NMNAT3: variants seen among roughly 807,000 people sequenced by gnomAD.
NMNAT3 encodes the protein nicotinamide/nicotinic acid mononucleotide adenylyltransferase 3.
NMNAT3 carries 21 observed loss-of-function variants against 24.8 expected under a neutral mutation model. The observed-to-expected ratio is 0.85, with a 90% CI of 0.60 to 1.22. The LOEUF (loss-of-function observed/expected upper bound fraction) is 1.22, where lower values mean the gene tolerates loss of function less well. NMNAT3 is among the 50% of genes most tolerant of loss of function. The probability of loss-of-function intolerance (pLI) is 0.00; values close to 1 mark genes in which losing one functional copy is unlikely to be tolerated. For synonymous variants in NMNAT3, 136 were observed against 155.2 expected (o/e 0.88, Z 0.92); for missense variants, 387 against 436.6 (o/e 0.89, Z 1.01).
chr3:139,649,606 C>CT (rs1367739405), intron 1 of NMNAT3, among the ~76,000 whole-genome samples: 1 of 152,120 alleles, frequency 6.6e-6, no homozygotes, highest in Non-Finnish European at 1.5e-5. Context: ...GGAAGGGCAG[C>CT]TTCTCCCCAG....
chr3:139,564,696 C>T (rs1442473623), intron 6 of NMNAT3, among the ~76,000 whole-genome samples: 2 of 152,220 alleles, frequency 1.3e-5, no homozygotes, highest in African/African-American at 4.8e-5. Flanking sequence ...CAGAGTATAA[C>T]AGCACACCAA....
intron 1 of NMNAT3, among the ~76,000 whole-genome samples, chr3:139,648,077 T>C (rs932451209): frequency 2.0e-5 from 3 of 152,206 alleles, no homozygotes; most frequent in African/African-American, 4.8e-5. Context: ...TTATCTTGAA[T>C]TGTAATCACC....
At chr3:139,595,518 AAAG>A (rs1559888879) in intron 3 of NMNAT3, among the ~76,000 whole-genome samples, 1 of 152,256 alleles carries the variant, frequency 6.6e-6, no homozygotes, top group Non-Finnish European at 1.5e-5. Flanking sequence ...TCCTAAGCCA[AAAG>A]AAGAAATCTG....
chr3:139,598,418 C>A (rs1317316909), intron 3 of NMNAT3, among the ~76,000 whole-genome samples: 1 of 152,126 alleles, frequency 6.6e-6, no homozygotes, highest in Admixed American at 6.5e-5. Context: ...GGTTTTAGAA[C>A]CCAGCTGCCA....
At chr3:139,598,960 A>G (rs2054594267) in intron 3 of NMNAT3, among the ~76,000 whole-genome samples, 1 of 152,090 alleles carries the variant, frequency 6.6e-6, no homozygotes, top group African/African-American at 2.4e-5. Context: ...ATCTATGTGT[A>G]GCCCCAAACC....
intron 3 of NMNAT3, among the ~76,000 whole-genome samples, chr3:139,586,767 T>G (rs2053957532): frequency 6.6e-6 from 1 of 151,936 alleles, no homozygotes; most frequent in Non-Finnish European, 1.5e-5. Context: ...GGAATCAGAG[T>G]GCACAGTTTC....
At chr3:139,594,381 G>T (rs536008926) in intron 3 of NMNAT3, among the ~76,000 whole-genome samples, 17 of 152,284 alleles carry the variant, frequency 1.1e-4, no homozygotes, top group African/African-American at 4.1e-4. Context: ...TCTACCAGAG[G>T]TACAAGGAGG....
At chr3:139,609,203 A>C (rs191352339) in intron 3 of NMNAT3, among the ~76,000 whole-genome samples, 2 of 152,346 alleles carry the variant, frequency 1.3e-5, no homozygotes, top group Admixed American at 1.3e-4. Context: ...ACGTTTGTGT[A>C]CAGGTTTCTG....
At chr3:139,677,374 T>C (rs570053716) in intron 1 of NMNAT3, among the ~76,000 whole-genome samples, 1 of 152,262 alleles carries the variant, frequency 6.6e-6, no homozygotes, top group South Asian at 2.1e-4. Context: ...ACACGTTAAG[T>C]ATTTGTTAGA....
At chr3:139,635,769 C>G (rs941827823) in intron 2 of NMNAT3, 2 of 152,256 alleles carry the variant, frequency 1.3e-5, no homozygotes, top group African/African-American at 4.8e-5. Flanking sequence ...TTCTCCCATC[C>G]TCTTTAGTCA....
At chr3:139,576,400 G>A (rs1939315383) in intron 5 of NMNAT3, 3 of 433,720 alleles carry the variant, frequency 6.9e-6, no homozygotes, top group African/African-American at 6.4e-5. Context: ...CTCAATTTTG[G>A]TTGCACAAAA....
chr3:139,582,577 G>C (rs1329015728), intron 4 of NMNAT3, among the ~76,000 whole-genome samples: 1 of 146,718 alleles, frequency 6.8e-6, no homozygotes, highest in East Asian at 2.0e-4. Flanking sequence ...AGGAGGAGGA[G>C]GTTGCAGTGA....
At chr3:139,575,760 TGG>T in intron 5 of NMNAT3, 2 of 1,127,230 alleles carry the variant, frequency 1.8e-6, no homozygotes, top group Admixed American at 8.7e-5. Context: ...CTTGGGCCTG[TGG>T]ATTGACCCTG....
chr3:139,570,193 T>A (rs534938182), intron 6 of NMNAT3: 1 of 152,356 alleles, frequency 6.6e-6, no homozygotes, highest in East Asian at 1.9e-4. Flanking sequence ...TTCAGCTCCA[T>A]CAGGTCCTTT....
intron 4 of NMNAT3, 73 bp from the exon 5 acceptor site, chr3:139,579,128 G>C (rs1434577063): frequency 1.6e-6 from 2 of 1,271,250 alleles, no homozygotes; most frequent in Non-Finnish European, 2.2e-6. Context: ...ATTCAGGCAG[G>C]TGCTAAATGT....
intron 3 of NMNAT3, among the ~76,000 whole-genome samples, chr3:139,591,400 C>A (rs1024980446): frequency 6.6e-6 from 1 of 152,148 alleles, no homozygotes; most frequent in Non-Finnish European, 1.5e-5. Flanking sequence ...GAAGGGGCGC[C>A]CGCCATTGCC....
At chr3:139,660,034 G>C (rs2057364891) in intron 1 of NMNAT3, among the ~76,000 whole-genome samples, 1 of 152,152 alleles carries the variant, frequency 6.6e-6, no homozygotes, top group African/African-American at 2.4e-5. Context: ...TGCTTTAGAG[G>C]TGGATGGGAC....
intron 3 of NMNAT3, among the ~76,000 whole-genome samples, chr3:139,588,563 G>A (rs781695941): frequency 4.6e-5 from 7 of 152,118 alleles, no homozygotes; most frequent in Non-Finnish European, 8.8e-5. Flanking sequence ...GCAGTAAGAG[G>A]CAAGCTGTGC....
chr3:139,600,939 T>A (rs2054686523), intron 3 of NMNAT3, among the ~76,000 whole-genome samples: 1 of 152,122 alleles, frequency 6.6e-6, no homozygotes, highest in African/African-American at 2.4e-5. Context: ...CTTTTCGCAG[T>A]AGGTGGGTTT....
Sources: gnomAD v4.1 joint callset for allele counts (sites outside exome capture counted in the v4.1 genomes callset) on GRCh38, gnomAD v4.1.1 for gene constraint, MANE v1.5 for transcripts, NCBI Gene and HGNC (gene_info 2026-07-23, HGNC 2026-07-21) for gene names.